KHDRBS2: variants seen among roughly 807,000 people sequenced by gnomAD.
KHDRBS2 encodes KH RNA binding domain containing, signal transduction associated 2.
KHDRBS2 carries 26 observed loss-of-function variants against 44.3 expected under a neutral mutation model. The observed-to-expected ratio is 0.59, with a 90% CI of 0.43 to 0.81. KHDRBS2 has a LOEUF of 0.81. Among genes scored for constraint, KHDRBS2 ranks in the 40% least tolerant of loss-of-function variants. The probability of loss-of-function intolerance (pLI) is 0.00; values close to 1 mark genes in which losing one functional copy is unlikely to be tolerated. For missense variants in KHDRBS2, 476 were observed against 433.1 expected (o/e 1.10, Z -0.88); for synonymous variants, 194 against 151.1 (o/e 1.28, Z -2.08).
At chr6:61,631,585 A>G in the KHDRBS2 span, among the ~76,000 whole-genome samples, 5 of 152,166 alleles carry the variant, frequency 3.3e-5, no homozygotes, top group African/African-American at 1.2e-4. Context: ...CTTGAATGTC[A>G]ACCAGAGAAT....
At chr6:62,066,707 T>C (rs1206466232) in intron 2 of KHDRBS2, among the ~76,000 whole-genome samples, 1 of 151,690 alleles carries the variant, frequency 6.6e-6, no homozygotes, top group Non-Finnish European at 1.5e-5. Flanking sequence ...GCATACATTA[T>C]GTGACAGGCA....
Position 61,875,293 on chromosome 6 carries a change from G to T in KHDRBS2, c.810+19342C>A, listed in dbSNP as rs931903875. Among the ~76,000 whole-genome samples the T allele has an allele frequency of 4.6e-5, 7 of 152,080 alleles. No individual in the cohort carries two copies. The East Asian group carries it at 7.7e-4, about 17-fold the overall frequency. On this transcript the variant is annotated intron_variant, in intron 6 of 8. Coordinates refer to ENST00000281156, the MANE Select transcript of KHDRBS2 (RefSeq NM_152688.4). The stretch of plus-strand genomic sequence containing the variant: ...AAACCCATATAATGTTCTGTGCACA[G>T]TAAATAGAACAGGCCGAAGCCAGGC...
At chr6:62,014,584 T>C (rs1780872651) in intron 3 of KHDRBS2, among the ~76,000 whole-genome samples, 1 of 152,120 alleles carries the variant, frequency 6.6e-6, no homozygotes, top group Non-Finnish European at 1.5e-5. Flanking sequence ...TGACAAAAAA[T>C]AATTCAATTC....
chr6:61,568,003 G>C, the KHDRBS2 span, among the ~76,000 whole-genome samples: 2 of 152,020 alleles, frequency 1.3e-5, no homozygotes, highest in South Asian at 4.1e-4. Flanking sequence ...TTCATCTTGA[G>C]TTAATTTTTG....
intron 2 of KHDRBS2, among the ~76,000 whole-genome samples, chr6:62,157,216 G>C (rs1404896323): frequency 6.6e-6 from 1 of 151,444 alleles, no homozygotes; most frequent in African/African-American, 2.4e-5. Context: ...CCAGCTACTC[G>C]GGAGGCTGTG....
intron 2 of KHDRBS2, among the ~76,000 whole-genome samples, chr6:62,113,623 T>C (rs1365280600): frequency 1.3e-5 from 2 of 152,200 alleles, no homozygotes; most frequent in East Asian, 1.9e-4. Context: ...GTGTTCTTAA[T>C]TGAGTAATAT....
intron 4 of KHDRBS2, among the ~76,000 whole-genome samples, chr6:61,955,037 C>T (rs1412702872): frequency 1.4e-5 from 2 of 142,930 alleles, no homozygotes; most frequent in Non-Finnish European, 3.1e-5. Context: ...TATATACATA[C>T]ATGTATGTAT....
chr6:62,228,873 G>A (rs531685984), intron 1 of KHDRBS2, among the ~76,000 whole-genome samples: 5 of 152,224 alleles, frequency 3.3e-5, no homozygotes, highest in Admixed American at 2.6e-4. Context: ...GAGGTGTGCC[G>A]CTCCTTCCTC....
chr6:61,722,357 G>T (rs1464071128), intron 7 of KHDRBS2, among the ~76,000 whole-genome samples: 2 of 151,978 alleles, frequency 1.3e-5, no homozygotes, highest in Non-Finnish European at 2.9e-5. Flanking sequence ...AATAACTGGG[G>T]GATTAATTAA....
chr6:61,872,395 T>A (rs1018007072), intron 6 of KHDRBS2, among the ~76,000 whole-genome samples: 3 of 152,070 alleles, frequency 2.0e-5, no homozygotes, highest in Admixed American at 6.6e-5. Context: ...CTGGATATAA[T>A]ATAAACACAT....
At chr6:62,250,261 T>A (rs1003350714) in intron 1 of KHDRBS2, among the ~76,000 whole-genome samples, 2 of 152,080 alleles carry the variant, frequency 1.3e-5, no homozygotes, top group South Asian at 2.1e-4. Flanking sequence ...TCCACATACA[T>A]AACATTATCT....
chr6:62,014,515 A>T (rs1780857341), intron 3 of KHDRBS2, among the ~76,000 whole-genome samples: 1 of 152,094 alleles, frequency 6.6e-6, no homozygotes, highest in Non-Finnish European at 1.5e-5. Context: ...GCTGTCTCTG[A>T]TTTCTTTTGA....
intron 3 of KHDRBS2, among the ~76,000 whole-genome samples, chr6:62,000,557 G>A (rs149098456): frequency 4.6e-5 from 7 of 152,142 alleles, no homozygotes; most frequent in East Asian, 1.9e-4. Context: ...TTAAAGATTC[G>A]TAAGAGTTAA....
At chr6:61,954,759 T>C (rs200400267) in intron 4 of KHDRBS2, among the ~76,000 whole-genome samples, 7,146 of 32,120 alleles carry the variant, frequency 0.22, 1,149 homozygotes, top group African/African-American at 0.29. Flanking sequence ...CACATGCATA[T>C]GTATGTATAC....
At chr6:62,066,980 T>A (rs1793880348) in intron 2 of KHDRBS2, among the ~76,000 whole-genome samples, 1 of 151,570 alleles carries the variant, frequency 6.6e-6, no homozygotes, top group African/African-American at 2.4e-5. Context: ...AAATATTAAT[T>A]CAGCAGTGGG....
At chr6:62,200,386 C>T (rs1200131217) in intron 1 of KHDRBS2, among the ~76,000 whole-genome samples, 2 of 152,116 alleles carry the variant, frequency 1.3e-5, no homozygotes, top group African/African-American at 4.8e-5. Context: ...AACAAATTTA[C>T]AAGAAAAAAA....
intron 6 of KHDRBS2, among the ~76,000 whole-genome samples, chr6:61,889,311 C>T (rs1025210563): frequency 6.6e-6 from 1 of 152,148 alleles, no homozygotes. Flanking sequence ...AGAATTCAGA[C>T]CTTGAGGTGC....
intron 6 of KHDRBS2, among the ~76,000 whole-genome samples, chr6:61,783,538 T>C (rs1462273732): frequency 6.6e-6 from 1 of 152,120 alleles, no homozygotes; most frequent in Non-Finnish European, 1.5e-5. Flanking sequence ...AAAAAAGACA[T>C]AGCTCCTGCC....
chr6:61,703,037 T>G (rs1305642437), intron 7 of KHDRBS2, among the ~76,000 whole-genome samples: 1 of 151,826 alleles, frequency 6.6e-6, no homozygotes, highest in Non-Finnish European at 1.5e-5. Context: ...TTAATTAAAA[T>G]CTCTGTAATT....
Sources: gnomAD v4.1 joint callset for allele counts (sites outside exome capture counted in the v4.1 genomes callset) on GRCh38, gnomAD v4.1.1 for gene constraint, MANE v1.5 for transcripts, NCBI Gene and HGNC (gene_info 2026-07-23, HGNC 2026-07-21) for gene names.